HBS1L: variants seen among roughly 807,000 people sequenced by gnomAD.
The protein encoded by HBS1L is HBS1 like translational GTPase, also known as HBS1-like protein.
A neutral mutation model predicts 88.9 loss-of-function variants in HBS1L; 55 were observed. The observed-to-expected ratio is 0.62, with a 90% CI of 0.50 to 0.77. The LOEUF is 0.77. HBS1L is among the 30% of genes least tolerant of loss of function. The pLI, the probability that HBS1L is intolerant of heterozygous loss-of-function variation, is 0.00. For missense variants in HBS1L, 741 were observed against 829.3 expected (o/e 0.89, Z 1.31); for synonymous variants, 267 against 288.5 (o/e 0.93, Z 0.76).
chr6:134,967,990 A>C (rs1774365834), intron 16 of HBS1L, among the ~76,000 whole-genome samples: 1 of 152,190 alleles, frequency 6.6e-6, no homozygotes, highest in Non-Finnish European at 1.5e-5. Flanking sequence ...GAGAGAGGTA[A>C]AGTAGCCCTT....
At chr6:134,981,626 T>A (rs1231932528) in intron 13 of HBS1L, among the ~76,000 whole-genome samples, 1 of 151,778 alleles carries the variant, frequency 6.6e-6, no homozygotes, top group East Asian at 1.9e-4. Flanking sequence ...ATCTAAAAAA[T>A]TTTTGCATTT....
intron 12 of HBS1L, among the ~76,000 whole-genome samples, chr6:134,983,874 G>C (rs566480133): frequency 6.6e-6 from 1 of 152,102 alleles, no homozygotes; most frequent in African/African-American, 2.4e-5. Flanking sequence ...AGATAGACAG[G>C]TCAGAGAAAT....
In HBS1L at chr6:134,982,639, C is replaced by T. The variant is rs557432111; in HGVS notation, c.1493-77G>A. The stretch of plus-strand genomic sequence containing the variant: ...TTAATACCGTTAACTATACTTAGTT[C>T]TCAAGTAGTCATATAAAACTAGTAG... On this transcript the variant is annotated intron_variant, in intron 12 of 17. Coordinates refer to ENST00000367837, the MANE Select transcript of HBS1L (RefSeq NM_006620.4). The T allele has an allele frequency of 4.6e-5, 32 of 695,590 alleles. No homozygotes were observed. The East Asian group carries it at 8.4e-4, about 18-fold the overall frequency. The allele number at this position is 695,590 out of a possible 1,614,324, so 43.1% of individuals were successfully genotyped here. A position where few individuals can be genotyped will look rare whatever the true frequency, so the allele number is the denominator to read the frequency against.
At chr6:135,054,539 C>A in intron 1 of HBS1L, 110 bp downstream of exon 1, 1 of 1,295,856 alleles carries the variant, frequency 7.7e-7, no homozygotes, top group Non-Finnish European at 1.1e-6. Flanking sequence ...CTCTCCCAAT[C>A]CCGACAGGGC....
At chr6:135,025,058 G>A in intron 4 of HBS1L, among the ~76,000 whole-genome samples, 1 of 152,226 alleles carries the variant, frequency 6.6e-6, no homozygotes, top group South Asian at 2.1e-4. Context: ...AGTTGAAAAG[G>A]GGGTATCTAA....
At chr6:134,972,728 T>A (rs1307890451) in intron 15 of HBS1L, among the ~76,000 whole-genome samples, 2 of 152,126 alleles carry the variant, frequency 1.3e-5, no homozygotes, top group Non-Finnish European at 2.9e-5. Context: ...CTTCTATTAA[T>A]AACAACACAA....
chr6:135,038,138 T>A, intron 4 of HBS1L: 1 of 773,030 alleles, frequency 1.3e-6, no homozygotes, highest in Non-Finnish European at 2.0e-6. Context: ...TAAATGCTTC[T>A]TTTGATTATG....
chr6:135,035,847 T>C (rs183351025), intron 4 of HBS1L: 2 of 730,484 alleles, frequency 2.7e-6, no homozygotes, highest in Non-Finnish European at 1.7e-6. Flanking sequence ...TCAAAGAACA[T>C]GCAACCATAC....
chr6:135,012,388 G>A (rs1297762973), intron 4 of HBS1L, among the ~76,000 whole-genome samples: 1 of 152,186 alleles, frequency 6.6e-6, no homozygotes, highest in Non-Finnish European at 1.5e-5. Flanking sequence ...CAGTAGGCAA[G>A]AGAGAAGTTG....
At chr6:135,051,776 C>T (rs1777092477) in intron 1 of HBS1L, among the ~76,000 whole-genome samples, 1 of 152,176 alleles carries the variant, frequency 6.6e-6, no homozygotes, top group African/African-American at 2.4e-5. Flanking sequence ...AAACTAATTA[C>T]AACTAAAAAC....
intron 7 of HBS1L, among the ~76,000 whole-genome samples, chr6:134,994,793 A>G (rs943539426): frequency 6.6e-6 from 1 of 152,108 alleles, no homozygotes; most frequent in Non-Finnish European, 1.5e-5. Context: ...CTTAACCTGT[A>G]TAAGAAGGCC....
intron 15 of HBS1L, among the ~76,000 whole-genome samples, chr6:134,969,650 TTAAG>T (rs1300426710): frequency 4.6e-5 from 7 of 152,330 alleles, no homozygotes; most frequent in Admixed American, 3.3e-4. Flanking sequence ...GTTCTAAAGA[TTAAG>T]TAAGAGAATT....
At chr6:134,969,148 T>A in intron 16 of HBS1L, 90 bp downstream of exon 16, 1 of 831,124 alleles carries the variant, frequency 1.2e-6, no homozygotes, top group Non-Finnish European at 2.0e-6. Flanking sequence ...GGGTTTCACT[T>A]ACCACAAAGA....
At chr6:135,050,011 A>T (rs925800121) in intron 2 of HBS1L, among the ~76,000 whole-genome samples, 1 of 152,242 alleles carries the variant, frequency 6.6e-6, no homozygotes, top group Admixed American at 6.5e-5. Flanking sequence ...AGAATATATC[A>T]ATGTTCTCCT....
chr6:134,987,524 A>C, intron 9 of HBS1L, 121 bp downstream of exon 9: 2 of 631,906 alleles, frequency 3.2e-6, no homozygotes, highest in Non-Finnish European at 4.9e-6. Flanking sequence ...CAGAGAATTT[A>C]TTTTTAAAAA....
intron 2 of HBS1L, among the ~76,000 whole-genome samples, chr6:135,043,233 T>C (rs56076036): frequency 0.036 from 5,431 of 152,228 alleles, 337 homozygotes; most frequent in African/African-American, 0.12. Context: ...TGTTCAATTG[T>C]AAAGGAACAA....
intron 2 of HBS1L, among the ~76,000 whole-genome samples, chr6:135,049,296 T>C (rs1296801914): frequency 1.3e-5 from 2 of 152,026 alleles, no homozygotes; most frequent in Non-Finnish European, 2.9e-5. Context: ...CCTCTTTCAC[T>C]AGGAAATTAA....
At chr6:134,965,437 T>C in intron 17 of HBS1L, 147 bp from the exon 18 acceptor site, 3 of 613,442 alleles carry the variant, frequency 4.9e-6, no homozygotes, top group Non-Finnish European at 5.6e-6. Context: ...TTCCTAGTCA[T>C]GCCATTTCTG....
chr6:135,047,077 T>A lies in HBS1L; in HGVS notation c.109+3505A>T, dbSNP rs147539580. Among the ~76,000 whole-genome samples the A allele has an allele frequency of 9.6e-4, 146 of 152,290 alleles. 1 individual carries two copies. The highest frequency in any genetic ancestry group is 3.4e-3 in the African/African-American group (141 of 41,566). Reference sequence around the variant, plus strand: ...TTGGCTTCTTGGTGTGTTTGAAAAGTAACTCTCAGAGTCAGACTGTCCTGA... The same window carrying A: ...TTGGCTTCTTGGTGTGTTTGAAAAGAAACTCTCAGAGTCAGACTGTCCTGA... On this transcript the variant is annotated intron_variant, in intron 2 of 17. Coordinates refer to ENST00000367837, the MANE Select transcript of HBS1L (RefSeq NM_006620.4).
Sources: gnomAD v4.1 joint callset for allele counts (sites outside exome capture counted in the v4.1 genomes callset) on GRCh38, gnomAD v4.1.1 for gene constraint, MANE v1.5 for transcripts, NCBI Gene and HGNC (gene_info 2026-07-23, HGNC 2026-07-21) for gene names.